The following SLTM variants were observed in gnomAD, a reference collection of about 807,000 sequenced individuals.
SLTM encodes the protein SAFB like transcription modulator, also known as SAFB-like transcription modulator.
A neutral mutation model predicts 134.6 loss-of-function variants in SLTM; 43 were observed. That is an observed-to-expected ratio of 0.32 (90% CI 0.25 to 0.41). SLTM has a LOEUF of 0.41. SLTM is among the 10% of genes least tolerant of loss of function. The probability of loss-of-function intolerance (pLI) is 1.00; values close to 1 mark genes in which losing one functional copy is unlikely to be tolerated. For missense variants in SLTM, 1,055 were observed against 1,288.8 expected (o/e 0.82, Z 2.78); for synonymous variants, 424 against 432.3 (o/e 0.98, Z 0.24).
At position 58,899,261 on chromosome 15, in the gene SLTM, A is replaced by G. The variant is rs1486176935; in HGVS notation, c.1058+208T>C. The stretch of plus-strand genomic sequence containing the variant: ...ACAAAAAAACCAAATATATGCTGAC[A>G]TTCGACAATGCAATCAGTAGAACAC... On this transcript the variant is annotated intron_variant, in intron 7 of 20. Transcript: ENST00000380516. The surrounding 1 kb of genome is among the most constrained non-coding windows in gnomAD (Gnocchi z 5.0). 2 of 488,338 alleles carry G rather than the reference A, an allele frequency of 4.1e-6. No individual in the cohort carries two copies. Among genetic ancestry groups the G allele is most frequent in the Non-Finnish European group, 7.1e-6 (2 of 281,872 alleles). 30.3% of individuals were successfully genotyped at this position (488,338 alleles called of 1,614,324 possible).
rs2033924118 is a variant in SLTM, at chr15:58,883,622, T to C, written c.2996+4A>G. On this transcript the variant is annotated splice_donor_region_variant and intron_variant, in intron 20 of 20. Transcript: ENST00000380516. ...GCTGGCAGAAAAACTGGTTAGTTAT[T>C]TACCTTGAATGTTGGGTTATCATGC... 1 of 1,613,844 alleles carries C rather than the reference T, an allele frequency of 6.2e-7. No homozygotes were observed. Among genetic ancestry groups the C allele is most frequent in the Non-Finnish European group, 8.5e-7 (1 of 1,179,918 alleles).
At chr15:58,929,165 T>A (rs1432799145) in intron 2 of SLTM, among the ~76,000 whole-genome samples, 1 of 152,170 alleles carries the variant, frequency 6.6e-6, no homozygotes, top group Non-Finnish European at 1.5e-5. Context: ...ATTCAGCAAC[T>A]TGATTGAAAA....
At chr15:58,917,567 ATTAT>A (rs2036733656) in intron 2 of SLTM, among the ~76,000 whole-genome samples, 1 of 152,174 alleles carries the variant, frequency 6.6e-6, no homozygotes, top group African/African-American at 2.4e-5. Flanking sequence ...TTTTATGCTA[ATTAT>A]TTATTTCTCC....
At chr15:58,921,055 G>C (rs938725165) in intron 2 of SLTM, among the ~76,000 whole-genome samples, 1 of 152,110 alleles carries the variant, frequency 6.6e-6, no homozygotes, top group Non-Finnish European at 1.5e-5. Context: ...ACTCTGTGTC[G>C]AATTTCTCTT....
At chr15:58,919,314 G>T (rs1287255345) in intron 2 of SLTM, among the ~76,000 whole-genome samples, 1 of 152,164 alleles carries the variant, frequency 6.6e-6, no homozygotes, top group Non-Finnish European at 1.5e-5. Context: ...ATCAAATCCT[G>T]CTGGAAGCGG....
chr15:58,885,707 C>T (rs1217929145), intron 19 of SLTM, among the ~76,000 whole-genome samples: 2 of 152,106 alleles, frequency 1.3e-5, no homozygotes, highest in Admixed American at 6.5e-5. Context: ...TCGCTTGAAC[C>T]TGGGAGGCGG....
At chr15:58,887,731 G>A in intron 17 of SLTM, 191 bp from the exon 18 acceptor site, 1 of 753,372 alleles carries the variant, frequency 1.3e-6, no homozygotes, top group Non-Finnish European at 1.6e-6. Flanking sequence ...CTAGCCTAAA[G>A]GTTGGTTTTT....
chr15:58,924,023 C>G (rs2037289620), intron 2 of SLTM, among the ~76,000 whole-genome samples: 1 of 151,998 alleles, frequency 6.6e-6, no homozygotes, highest in Non-Finnish European at 1.5e-5. Flanking sequence ...TCATGTTGGC[C>G]AGGCTGGTCT....
At chr15:58,881,118 C>T (rs1481368748) in intron 20 of SLTM, among the ~76,000 whole-genome samples, 1 of 151,704 alleles carries the variant, frequency 6.6e-6, no homozygotes, top group Non-Finnish European at 1.5e-5. Flanking sequence ...TGCCTGAACC[C>T]GGGAGGCAGA....
chr15:58,928,774 C>T (rs190194917), intron 2 of SLTM, among the ~76,000 whole-genome samples: 66 of 152,144 alleles, frequency 4.3e-4, no homozygotes, highest in African/African-American at 1.6e-3. Flanking sequence ...TCATAAGAAT[C>T]ATTTCTTTTC....
chr15:58,912,838 G>T, intron 4 of SLTM: 1 of 464,630 alleles, frequency 2.2e-6, no homozygotes, highest in Non-Finnish European at 3.9e-6. Context: ...TCATTTATTA[G>T]GGTAGGTAGA....
At chr15:58,925,234 T>G (rs1336568755) in intron 2 of SLTM, among the ~76,000 whole-genome samples, 1 of 152,250 alleles carries the variant, frequency 6.6e-6, no homozygotes, top group African/African-American at 2.4e-5. Context: ...GCAAGTGTTT[T>G]AGCTTCTCTT....
intron 19 of SLTM, among the ~76,000 whole-genome samples, chr15:58,885,800 A>C (rs1479599703): frequency 1.3e-5 from 2 of 148,986 alleles, no homozygotes; most frequent in African/African-American, 5.0e-5. Context: ...CAAACAAACA[A>C]AACAAAACAA....
At chr15:58,913,054 A>C (rs17302066) in intron 4 of SLTM, among the ~76,000 whole-genome samples, 12,354 of 152,276 alleles carry the variant, frequency 0.081, 729 homozygotes, top group East Asian at 0.26. Context: ...GTAACCTTTT[A>C]TACTTGCTAA....
chr15:58,888,273 T>C (rs1233036634), intron 17 of SLTM, 112 bp downstream of exon 17: 1 of 849,344 alleles, frequency 1.2e-6, no homozygotes, highest in South Asian at 2.2e-5. Flanking sequence ...ACCACGTAAA[T>C]TGTTCTGAGC....
In SLTM at chr15:58,879,943, A is replaced by G; in HGVS notation, c.*56T>C. 1 of 1,582,926 alleles carries G rather than the reference A, an allele frequency of 6.3e-7. No individual in the cohort carries two copies. The highest frequency in any genetic ancestry group is 8.6e-7 in the Non-Finnish European group (1 of 1,161,860). ...AGGTCCTCTTCATAAGTAGTCAAGT[A>G]AAGTTTACAGGAGATTTCAATAAAT... is the stretch of plus-strand genomic sequence containing the variant. On this transcript the variant is annotated 3_prime_UTR_variant, in exon 21 of 21. Transcript: ENST00000380516.
intron 2 of SLTM, among the ~76,000 whole-genome samples, chr15:58,930,777 A>C (rs117860993): frequency 0.096 from 14,345 of 148,750 alleles, 912 homozygotes; most frequent in Non-Finnish European, 0.15. Flanking sequence ...ATATATATAG[A>C]TATATATACC....
rs71119415 is a variant in SLTM, at chr15:58,882,181, C to CAA, written c.2996+1443_2996+1444dup. Among the ~76,000 whole-genome samples, 2 of 59,526 alleles carry CAA rather than the reference C, an allele frequency of 3.4e-5. 1 individual carries two copies. The highest frequency in any genetic ancestry group is 6.1e-5 in the Non-Finnish European group (2 of 32,706). The allele number at this position is 59,526 out of a possible 152,430, so 39.1% of individuals were successfully genotyped here. A position where few individuals can be genotyped will look rare whatever the true frequency, so the allele number is the denominator to read the frequency against. ...GCCTGGACAGAGCAAGACTCTGTCT[C>CAA]AAAAAAAAAAAACCACACTTAGAAA... On this transcript the variant is annotated intron_variant, in intron 20 of 20. Coordinates refer to ENST00000380516, the MANE Select transcript of SLTM (RefSeq NM_024755.4).
In SLTM at chr15:58,894,199, A is replaced by G. The variant is rs773793025; in HGVS notation, c.1378-6T>C. ...TTAGAGGGATCACCTTTTACCTGAA[A>G]GGTTCGAACCAGAAAAACAATTTGT... is the stretch of plus-strand genomic sequence containing the variant. On this transcript the variant is annotated splice_polypyrimidine_tract_variant and splice_region_variant and intron_variant, in intron 10 of 20. Coordinates refer to ENST00000380516, the MANE Select transcript of SLTM (RefSeq NM_024755.4). 4 of 1,593,490 alleles carry G rather than the reference A, an allele frequency of 2.5e-6. No homozygotes were observed. The highest frequency in any genetic ancestry group is 1.3e-5 in the African/African-American group (1 of 74,132).
Sources: allele counts gnomAD v4.1 joint callset (sites outside exome capture counted in the v4.1 genomes callset), GRCh38; gene constraint gnomAD v4.1.1; non-coding constraint Gnocchi (gnomAD v3.1); transcripts MANE v1.5; gene names NCBI Gene and HGNC (gene_info 2026-07-23, HGNC 2026-07-21).